RGS7: variants seen among roughly 807,000 people sequenced by gnomAD.
The protein encoded by RGS7 is regulator of G protein signaling 7, also known as regulator of G-protein signaling 7.
RGS7 carries 27 observed loss-of-function variants against 81.1 expected under a neutral mutation model. The ratio of observed to expected loss-of-function variants is 0.33; its 90% CI spans 0.25 to 0.46. The LOEUF (loss-of-function observed/expected upper bound fraction) is 0.46, where lower values mean the gene tolerates loss of function less well. Ranked by LOEUF, RGS7 falls within the 20% of genes least tolerant of loss-of-function variation. The pLI, the probability that RGS7 is intolerant of heterozygous loss-of-function variation, is 1.00. For missense variants in RGS7, 396 were observed against 607.4 expected (o/e 0.65, Z 3.66); for synonymous variants, 208 against 207.7 (o/e 1.00, Z -0.01).
chr1:241,049,008 C>T (rs2061103316), intron 3 of RGS7, among the ~76,000 whole-genome samples: 1 of 152,180 alleles, frequency 6.6e-6, no homozygotes, highest in Non-Finnish European at 1.5e-5. Context: ...CAGTGTTCTC[C>T]CCTCTTCTGT....
intron 11 of RGS7, among the ~76,000 whole-genome samples, chr1:240,815,357 A>T (rs1314075622): frequency 6.6e-6 from 1 of 152,178 alleles, no homozygotes; most frequent in Non-Finnish European, 1.5e-5. Flanking sequence ...AATAAAAAAT[A>T]AAATTGTAGA....
intron 3 of RGS7, among the ~76,000 whole-genome samples, chr1:241,031,368 A>G (rs2148729488): frequency 6.6e-6 from 1 of 152,260 alleles, no homozygotes; most frequent in South Asian, 2.1e-4. Flanking sequence ...TTCTTTCTCC[A>G]GTCATTCCTT....
At chr1:240,808,648 C>T (rs16840715) in intron 14 of RGS7, among the ~76,000 whole-genome samples, 7,076 of 152,260 alleles carry the variant, frequency 0.046, 523 homozygotes, top group African/African-American at 0.16. Context: ...CACTCCCTCA[C>T]ACGGTCTTTC....
chr1:241,220,078 C>A (rs753435641), intron 2 of RGS7, among the ~76,000 whole-genome samples: 2 of 152,188 alleles, frequency 1.3e-5, no homozygotes, highest in Non-Finnish European at 2.9e-5. Context: ...GAGCTTCTAT[C>A]ATCTAGTTTT....
At chr1:240,892,765 GT>G (rs1668474936) in intron 6 of RGS7, among the ~76,000 whole-genome samples, 1 of 152,170 alleles carries the variant, frequency 6.6e-6, no homozygotes, top group African/African-American at 2.4e-5. Flanking sequence ...CATGAGCCGT[GT>G]TCTGTTTTCT....
chr1:240,826,971 G>T, intron 10 of RGS7, 127 bp downstream of exon 10: 1 of 795,458 alleles, frequency 1.3e-6, no homozygotes. Flanking sequence ...GAGGAAGGGA[G>T]GGCTGTGGAA....
intron 6 of RGS7, among the ~76,000 whole-genome samples, chr1:240,873,314 T>C (rs1409325128): frequency 6.6e-6 from 1 of 152,184 alleles, no homozygotes; most frequent in African/African-American, 2.4e-5. Context: ...TTAAAATATT[T>C]TCTATTATTA....
At chr1:241,117,363 T>C (rs576785530) in intron 2 of RGS7, among the ~76,000 whole-genome samples, 163 of 152,306 alleles carry the variant, frequency 1.1e-3, no homozygotes, top group African/African-American at 3.8e-3. Flanking sequence ...AGAACCTACA[T>C]CATTCATTCT....
At chr1:241,029,666 C>A (rs377050358) in intron 3 of RGS7, among the ~76,000 whole-genome samples, 2 of 152,320 alleles carry the variant, frequency 1.3e-5, no homozygotes, top group African/African-American at 4.8e-5. Flanking sequence ...TCTCAGCATG[C>A]CGATCTATTT....
intron 3 of RGS7, among the ~76,000 whole-genome samples, chr1:241,005,541 C>T (rs658214): frequency 0.43 from 64,886 of 151,856 alleles, 15,283 homozygotes; most frequent in African/African-American, 0.64. Context: ...TTTTTATTTA[C>T]TTTTTATTTT....
At chr1:240,792,924 T>C (rs1007448106) in intron 18 of RGS7, among the ~76,000 whole-genome samples, 1 of 152,188 alleles carries the variant, frequency 6.6e-6, no homozygotes, top group African/African-American at 2.4e-5. Flanking sequence ...TATAAGAATC[T>C]AGTAGTGCTT....
intron 2 of RGS7, among the ~76,000 whole-genome samples, chr1:241,131,790 C>CA (rs144468157): frequency 0.096 from 14,555 of 151,948 alleles, 878 homozygotes; most frequent in East Asian, 0.17. Flanking sequence ...TGATTAAAAA[C>CA]AAAAAAGCAA....
At chr1:241,082,558 C>T (rs2063195294) in intron 3 of RGS7, among the ~76,000 whole-genome samples, 1 of 152,120 alleles carries the variant, frequency 6.6e-6, no homozygotes, top group African/African-American at 2.4e-5. Flanking sequence ...GTGATGGTTA[C>T]TAGAGGCTGG....
intron 9 of RGS7, among the ~76,000 whole-genome samples, chr1:240,854,995 T>A (rs1203102830): frequency 6.6e-6 from 1 of 152,156 alleles, no homozygotes; most frequent in African/African-American, 2.4e-5. Flanking sequence ...ACAGGAGGAT[T>A]TAAGGATACT....
At chr1:241,169,336 C>CTTTTTTTT (rs57753661) in intron 2 of RGS7, among the ~76,000 whole-genome samples, 3 of 74,272 alleles carry the variant, frequency 4.0e-5, no homozygotes, top group Non-Finnish European at 7.1e-5. Context: ...ATGTGTGTTT[C>CTTTTTTTT]TTTTTTTTTT....
chr1:240,952,639 C>T (rs2148441812), intron 4 of RGS7, among the ~76,000 whole-genome samples: 1 of 151,994 alleles, frequency 6.6e-6, no homozygotes, highest in African/African-American at 2.4e-5. Context: ...TGTCCAAATG[C>T]ATTGCAATAC....
intron 3 of RGS7, among the ~76,000 whole-genome samples, chr1:240,997,666 A>C (rs1687499781): frequency 6.6e-6 from 1 of 152,124 alleles, no homozygotes. Context: ...CTCTACTAAA[A>C]ATACAAAAAT....
chr1:241,126,299 G>A (rs1056973848), intron 2 of RGS7, among the ~76,000 whole-genome samples: 16 of 152,124 alleles, frequency 1.1e-4, no homozygotes, highest in African/African-American at 2.4e-4. Flanking sequence ...ACAGGCATGC[G>A]CAACCACACC....
At chr1:241,087,976 C>G (rs2492997) in intron 3 of RGS7, among the ~76,000 whole-genome samples, 1 of 94,750 alleles carries the variant, frequency 1.1e-5, no homozygotes, top group Non-Finnish European at 2.0e-5. Flanking sequence ...CTCTCTCTCT[C>G]TATATATATA....
Sources: allele counts gnomAD v4.1 joint callset (sites outside exome capture counted in the v4.1 genomes callset), GRCh38; gene constraint gnomAD v4.1.1; transcripts MANE v1.5; gene names NCBI Gene and HGNC (gene_info 2026-07-23, HGNC 2026-07-21).